Variants in ZNF131 observed in about 807,000 individuals in gnomAD.
ZNF131 encodes the protein zinc finger and BTB domain containing 35, also known as zinc finger protein 131.
ZNF131 carries 7 observed loss-of-function variants against 60.0 expected under a neutral mutation model. The ratio of observed to expected loss-of-function variants is 0.12; its 90% CI spans 0.07 to 0.22. The LOEUF is 0.22. Among genes scored for constraint, ZNF131 ranks in the 10% least tolerant of loss-of-function variants. The pLI is 1.00. For missense variants in ZNF131, 493 were observed against 740.9 expected (o/e 0.67, Z 3.88); for synonymous variants, 257 against 253.2 (o/e 1.01, Z -0.14).
Position 43,123,228 on chromosome 5 carries a change from C to T in ZNF131, c.144C>T (p.His48=). The change falls in exon 3 of 7, where the codon CAC becomes CAT. Residue 48 remains histidine, a synonymous_variant. Transcript: ENST00000682664. The part of the protein sequence containing the change: ...LIVDGHHFKA[H]KAVLAACSKF... ...ACCTAGGACACCATTTTAAGGCTCA[C>T]AAGGCTGTTTTGGCTGCTTGTAGTA... The T allele has an allele frequency of 4.4e-6, 7 of 1,609,034 alleles. No individual in the cohort carries two copies. The highest frequency in any genetic ancestry group is 5.9e-6 in the Non-Finnish European group (7 of 1,178,536).
intron 3 of ZNF131, among the ~76,000 whole-genome samples, chr5:43,133,437 G>A (rs1048001056): frequency 8.5e-5 from 13 of 152,154 alleles, no homozygotes; most frequent in African/African-American, 3.1e-4. Context: ...TTTCACTTTA[G>A]CCCAGGCAAC....
intron 5 of ZNF131, among the ~76,000 whole-genome samples, chr5:43,167,016 G>C (rs1199929354): frequency 6.6e-6 from 1 of 152,168 alleles, no homozygotes; most frequent in Admixed American, 6.5e-5. Flanking sequence ...TAATTGATCT[G>C]ATTTCAATAT....
intron 4 of ZNF131, among the ~76,000 whole-genome samples, chr5:43,148,557 A>G (rs996997514): frequency 2.6e-5 from 4 of 152,208 alleles, no homozygotes; most frequent in African/African-American, 9.6e-5. Flanking sequence ...CTCTGTTGCA[A>G]TTACTCAGAT....
At chr5:43,139,624 C>A (rs1746551510) in intron 4 of ZNF131, among the ~76,000 whole-genome samples, 3 of 152,010 alleles carry the variant, frequency 2.0e-5, no homozygotes, top group Admixed American at 2.0e-4. Context: ...TTATACCAAG[C>A]CTTATCCTAC....
At chr5:43,162,370 TC>T (rs1218097522) in intron 5 of ZNF131, among the ~76,000 whole-genome samples, 7 of 147,840 alleles carry the variant, frequency 4.7e-5, no homozygotes, top group South Asian at 4.3e-4. Flanking sequence ...GGCAGGCGGA[TC>T]ACCTGAGGTC....
Position 43,175,217 on chromosome 5 carries a change from A to G in ZNF131, c.*84A>G. 5 of 1,367,840 alleles carry G rather than the reference A, an allele frequency of 3.7e-6. No individual in the cohort carries two copies. Among genetic ancestry groups the G allele is most frequent in the Non-Finnish European group, 3.9e-6 (4 of 1,020,296 alleles). The allele number at this position is 1,367,840 out of a possible 1,614,324, so 84.7% of individuals were successfully genotyped here. On this transcript the variant is annotated 3_prime_UTR_variant, in exon 7 of 7. Coordinates refer to ENST00000682664, the MANE Select transcript of ZNF131 (RefSeq NM_001330707.2). ...AGTTTGACTGTCCTTAATTAAGCCTAACAGACAAGTGGACCAAAGTTAAGC... is the reference window on the plus strand; with the variant it reads ...AGTTTGACTGTCCTTAATTAAGCCTGACAGACAAGTGGACCAAAGTTAAGC...
At chr5:43,143,435 GC>G in intron 4 of ZNF131, 1 of 1,430,530 alleles carries the variant, frequency 7.0e-7, no homozygotes, top group East Asian at 2.6e-5. Context: ...CTCCACTGTT[GC>G]AAGTTTATCA....
chr5:43,123,928 T>G (rs1440864837), intron 3 of ZNF131: 1 of 151,968 alleles, frequency 6.6e-6, no homozygotes, highest in African/African-American at 2.4e-5. Context: ...TGCCAGGCGT[T>G]GTGATATGTA....
Position 43,161,354 on chromosome 5 carries a change from A to G in ZNF131, c.477A>G (p.Pro159=), listed in dbSNP as rs372738696. 2.1e-5 allele frequency: 34 copies of G among 1,614,164 alleles called. No individual in the cohort carries two copies. The African/African-American group carries it at 4.3e-4, about 20-fold the overall frequency. The change falls in exon 5 of 7, where the codon CCA becomes CCG. Residue 159 remains proline, a synonymous_variant. Transcript: ENST00000682664. ...ETSNVITESL[P]SAESEPVEIE... Reference sequence around the variant, plus strand: ...CAAATGTTATCACTGAGTCATTGCCATCTGCAGAATCAGAACCTGTTGAAA... The same window carrying G: ...CAAATGTTATCACTGAGTCATTGCCGTCTGCAGAATCAGAACCTGTTGAAA...
At chr5:43,161,058 G>A (rs539628366) in intron 4 of ZNF131, among the ~76,000 whole-genome samples, 191 bp from the exon 5 acceptor site, 5 of 152,056 alleles carry the variant, frequency 3.3e-5, no homozygotes, top group East Asian at 1.9e-4. Context: ...ATTAATCTTC[G>A]TGTCTATGCT....
chr5:43,150,223 A>G (rs1429321120), intron 4 of ZNF131, among the ~76,000 whole-genome samples: 2 of 152,336 alleles, frequency 1.3e-5, no homozygotes, highest in African/African-American at 2.4e-5. Context: ...TAGAGGAAAC[A>G]TTATTATACT....
Position 43,161,424 on chromosome 5 carries a change from G to A in ZNF131, c.547G>A (p.Gly183Ser). 1 of 1,614,254 alleles carries A rather than the reference G, an allele frequency of 6.2e-7. No homozygotes were observed. Among genetic ancestry groups the A allele is most frequent in the Non-Finnish European group, 8.5e-7 (1 of 1,180,052 alleles). Residue 183 changes from glycine (G) to serine (S), a missense_variant, in exon 5 of 7, where the codon GGC becomes AGC. Transcript: ENST00000682664. ...AEGTIEVEDE[G>S]IETLEEVASA... ...AGGCACCATTGAAGTGGAAGATGAA[G>A]GCATCGAAACATTAGAGGAAGTGGC...
intron 4 of ZNF131, among the ~76,000 whole-genome samples, chr5:43,142,005 T>G (rs1746894427): frequency 1.3e-5 from 2 of 151,978 alleles, no homozygotes; most frequent in Admixed American, 6.6e-5. Context: ...TGAGCCTTAT[T>G]TTACTGTTTC....
Position 43,174,614 on chromosome 5 carries a change from GGAA to G in ZNF131, c.1358_1360del (p.Glu453del), listed in dbSNP as rs1561455473. 6.2e-7 allele frequency: 1 copy of G among 1,614,070 alleles called. No individual in the cohort carries two copies. Among genetic ancestry groups the G allele is most frequent in the South Asian group, 1.1e-5 (1 of 91,044 alleles). ...ACAATATTTCAGAGCGTCTAGTAAC[GGAA>G]GAAGTTCTTTCAGTAGAAACACGTG... is the stretch of plus-strand genomic sequence containing the variant. On this transcript the variant is annotated inframe_deletion, in exon 7 of 7. Transcript: ENST00000682664.
At chr5:43,128,655 T>TTAA (rs1744881333) in intron 3 of ZNF131, among the ~76,000 whole-genome samples, 1 of 38,746 alleles carries the variant, frequency 2.6e-5, no homozygotes, top group African/African-American at 8.4e-5. Context: ...AGACTCCATC[T>TTAA]CAAAAAAAAA....
At chr5:43,138,348 G>A (rs1282023409) in intron 3 of ZNF131, among the ~76,000 whole-genome samples, 2 of 152,184 alleles carry the variant, frequency 1.3e-5, no homozygotes, top group Non-Finnish European at 2.9e-5. Flanking sequence ...ATCCAACTAG[G>A]AGGGTGTTAA....
intron 1 of ZNF131, among the ~76,000 whole-genome samples, 165 bp downstream of exon 1, chr5:43,121,288 G>A (rs1239534310): frequency 6.6e-6 from 1 of 152,196 alleles, no homozygotes; most frequent in Non-Finnish European, 1.5e-5. Context: ...AGAGGTTGAA[G>A]GGCAATGACT....
At chr5:43,160,107 C>T (rs890480744) in intron 4 of ZNF131, among the ~76,000 whole-genome samples, 1 of 150,748 alleles carries the variant, frequency 6.6e-6, no homozygotes, top group Non-Finnish European at 1.5e-5. Flanking sequence ...ACCTGGGAGG[C>T]GGAGCTTACA....
chr5:43,128,023 T>C (rs1744774284), intron 3 of ZNF131, among the ~76,000 whole-genome samples: 1 of 152,242 alleles, frequency 6.6e-6, no homozygotes, highest in Non-Finnish European at 1.5e-5. Flanking sequence ...TTTCCACCAG[T>C]TGCAGGGATT....
Sources: gnomAD v4.1 joint callset for allele counts (sites outside exome capture counted in the v4.1 genomes callset) on GRCh38, gnomAD v4.1.1 for gene constraint, MANE v1.5 for transcripts, NCBI Gene and HGNC (gene_info 2026-07-23, HGNC 2026-07-21) for gene names.